The following BIVM variants were observed in gnomAD, a reference collection of about 807,000 sequenced individuals.
The protein encoded by BIVM is basic immunoglobulin-like variable motif-containing protein.
Under a neutral mutation model 61.4 loss-of-function variants are expected in BIVM, and 31 were observed. The observed-to-expected ratio is 0.51, with a 90% CI of 0.38 to 0.68. The LOEUF is 0.68. BIVM is among the 30% of genes least tolerant of loss of function. BIVM has a pLI of 0.00. For missense variants in BIVM, 526 were observed against 596.0 expected (o/e 0.88, Z 1.22); for synonymous variants, 189 against 210.7 (o/e 0.90, Z 0.89).
intron 8 of BIVM, among the ~76,000 whole-genome samples, chr13:102,833,582 C>A (rs555340428): frequency 6.8e-4 from 104 of 152,128 alleles, no homozygotes; most frequent in Middle Eastern, 3.4e-3. Flanking sequence ...GTCAGTCTCC[C>A]AAAGTGCTTG....
Position 102,840,027 on chromosome 13 carries a change from T to C in BIVM, c.*162T>C. The C allele has an allele frequency of 1.4e-6, 1 of 690,930 alleles. No individual in the cohort carries two copies. The highest frequency in any genetic ancestry group is 2.3e-6 in the Non-Finnish European group (1 of 431,950). The allele number at this position is 690,930 out of a possible 1,614,324, so 42.8% of individuals were successfully genotyped here. The stretch of plus-strand genomic sequence containing the variant: ...TCCAGATACTAAGCTTGTATATGAT[T>C]ATGGTGGGTGATTTCAGATATATAA... On this transcript the variant is annotated 3_prime_UTR_variant, in exon 11 of 11. Coordinates refer to ENST00000257336, the MANE Select transcript of BIVM (RefSeq NM_017693.4).
chr13:102,836,808 C>T (rs958190260), intron 9 of BIVM, among the ~76,000 whole-genome samples: 18 of 152,134 alleles, frequency 1.2e-4, no homozygotes, highest in African/African-American at 3.9e-4. Context: ...GTCCTTTTAC[C>T]GATGCCACAC....
At chr13:102,810,266 C>G (rs773640074) in intron 3 of BIVM, among the ~76,000 whole-genome samples, 3 of 152,198 alleles carry the variant, frequency 2.0e-5, no homozygotes, top group Non-Finnish European at 4.4e-5. Flanking sequence ...CCCCTGCTCT[C>G]TTCTGGGTGC....
intron 7 of BIVM, among the ~76,000 whole-genome samples, chr13:102,823,488 T>A (rs1218819755): frequency 6.6e-6 from 1 of 152,170 alleles, no homozygotes; most frequent in Non-Finnish European, 1.5e-5. Context: ...TGTTACAGAG[T>A]AAGGACTCAG....
At chr13:102,831,774 A>G (rs2146992) in intron 8 of BIVM, 77 bp downstream of exon 8, 280,169 of 1,528,210 alleles carry the variant, frequency 0.18, 27,317 homozygotes, top group East Asian at 0.38. Flanking sequence ...TCACGCCTGT[A>G]ATCCTAGCAC....
intron 7 of BIVM, among the ~76,000 whole-genome samples, chr13:102,824,143 G>A (rs1880490995): frequency 5.9e-5 from 9 of 152,170 alleles, no homozygotes; most frequent in Admixed American, 5.9e-4. Context: ...TTTATAAAAT[G>A]TCTGCCAATG....
At chr13:102,831,839 C>A in intron 8 of BIVM, 142 bp downstream of exon 8, 3 of 667,670 alleles carry the variant, frequency 4.5e-6, no homozygotes, top group Non-Finnish European at 6.6e-6. Context: ...ACCATCCTGG[C>A]TAACACGGTG....
rs970542851 is a variant in BIVM, at chr13:102,839,996, T to C, written c.*131T>C. 6.2e-6 allele frequency: 6 copies of C among 975,092 alleles called. No homozygotes were observed. In the African/African-American group the frequency reaches 9.8e-5, roughly 16 times the overall value. The allele number at this position is 975,092 out of a possible 1,614,324, so 60.4% of individuals were successfully genotyped here. ...TCTTGTGGTATAAAAAATAACCTTG[T>C]AGTTCTCCAGATACTAAGCTTGTAT... On this transcript the variant is annotated 3_prime_UTR_variant, in exon 11 of 11. Transcript: ENST00000257336.
chr13:102,821,374 G>T (rs1880270639), intron 5 of BIVM, among the ~76,000 whole-genome samples: 1 of 152,072 alleles, frequency 6.6e-6, no homozygotes, highest in African/African-American at 2.4e-5. Context: ...CGGGAGTATT[G>T]CTTGAAGCCA....
chr13:102,801,110 C>T (rs948779918), intron 1 of BIVM, among the ~76,000 whole-genome samples: 8 of 152,186 alleles, frequency 5.3e-5, no homozygotes, highest in Non-Finnish European at 8.8e-5. Flanking sequence ...ATGACTCTGG[C>T]GGTGCTTTTT....
chr13:102,827,529 G>T (rs1462809367), intron 7 of BIVM, among the ~76,000 whole-genome samples: 2 of 151,680 alleles, frequency 1.3e-5, no homozygotes, highest in Admixed American at 6.6e-5. Context: ...ATTAATCTGC[G>T]TACGCCTCCT....
At chr13:102,816,934 G>T (rs1176289875) in intron 4 of BIVM, 1 of 152,532 alleles carries the variant, frequency 6.6e-6, no homozygotes, top group Non-Finnish European at 1.5e-5. Flanking sequence ...TCTAAAAAAT[G>T]ACTTTTTTCT....
chr13:102,824,193 T>G (rs1048137354), intron 7 of BIVM, among the ~76,000 whole-genome samples: 1 of 152,116 alleles, frequency 6.6e-6, no homozygotes, highest in Non-Finnish European at 1.5e-5. Context: ...AGCAGTTCAG[T>G]GAAAGCAAGT....
At chr13:102,806,578 G>GT (rs977824104) in intron 2 of BIVM, among the ~76,000 whole-genome samples, 2 of 152,170 alleles carry the variant, frequency 1.3e-5, no homozygotes, top group African/African-American at 4.8e-5. Flanking sequence ...TGATTTTGGA[G>GT]AAGACACTAT....
chr13:102,831,800 T>G lies in BIVM; in HGVS notation c.1034+103T>G, dbSNP rs1029023227. The stretch of plus-strand genomic sequence containing the variant: ...ATCCTAGCACTTTGGGAGGCCGAGG[T>G]GGGCGGATCACGAGGTCAGAAGATC... On this transcript the variant is annotated intron_variant, in intron 8 of 10. Coordinates refer to ENST00000257336, the MANE Select transcript of BIVM (RefSeq NM_017693.4). The G allele has an allele frequency of 2.2e-5, 29 of 1,291,044 alleles. 1 individual carries two copies. The South Asian group carries it at 3.8e-4, about 17-fold the overall frequency. The allele number at this position is 1,291,044 out of a possible 1,614,324, so 80.0% of individuals were successfully genotyped here.
intron 7 of BIVM, among the ~76,000 whole-genome samples, chr13:102,831,294 A>G (rs780959694): frequency 4.6e-5 from 7 of 152,228 alleles, no homozygotes; most frequent in Non-Finnish European, 1.0e-4. Flanking sequence ...ATAGACAAGT[A>G]TGTGTGTTAT....
chr13:102,804,066 G>A (rs994461258), intron 1 of BIVM, among the ~76,000 whole-genome samples: 3 of 152,228 alleles, frequency 2.0e-5, no homozygotes, highest in Non-Finnish European at 2.9e-5. Flanking sequence ...TCCACCTTTC[G>A]TGGTAATATT....
intron 1 of BIVM, among the ~76,000 whole-genome samples, chr13:102,799,759 G>C (rs967444705): frequency 1.3e-5 from 2 of 152,230 alleles, no homozygotes; most frequent in African/African-American, 2.4e-5. Context: ...CGCTCTCCCG[G>C]GAAGGAGTAG....
At chr13:102,833,128 A>G (rs531138481) in intron 8 of BIVM, among the ~76,000 whole-genome samples, 1 of 151,712 alleles carries the variant, frequency 6.6e-6, no homozygotes, top group African/African-American at 2.4e-5. Flanking sequence ...GTGTGTTGGT[A>G]TGCACCTGTA....
Sources: allele counts gnomAD v4.1 joint callset (sites outside exome capture counted in the v4.1 genomes callset), GRCh38; gene constraint gnomAD v4.1.1; transcripts MANE v1.5; gene names NCBI Gene and HGNC (gene_info 2026-07-23, HGNC 2026-07-21).